Variants in DNAH9 observed in about 807,000 individuals in gnomAD.
The protein encoded by DNAH9 is DNAH9 variant protein.
DNAH9 carries 345 observed loss-of-function variants against 471.6 expected under a neutral mutation model. The ratio of observed to expected loss-of-function variants is 0.73; its 90% confidence interval spans 0.67 to 0.80. The LOEUF is 0.80. Ranked by LOEUF, DNAH9 falls within the 30% of genes least tolerant of loss-of-function variation. DNAH9 has a pLI of 0.00. For synonymous variants in DNAH9, 2,093 were observed against 2,123.6 expected, an observed-to-expected ratio of 0.99 and a Z score of 0.40; for missense variants, 5,407 against 5,609.2, an observed-to-expected ratio of 0.96 and a Z score of 1.15.
At chr17:11,899,752 T>G (rs1973342856) in intron 59 of DNAH9, among the ~76,000 whole-genome samples, 2 of 152,124 alleles carry the variant, frequency 1.3e-5, no homozygotes, top group African/African-American at 4.8e-5. Flanking sequence ...AAGATGAAAG[T>G]CAGCTCCTCG....
chr17:11,747,825 G>A, intron 32 of DNAH9, 59 bp downstream of exon 32: 2 of 1,468,650 alleles, frequency 1.4e-6, no homozygotes, highest in South Asian at 2.3e-5. Flanking sequence ...CCTGTGGCGG[G>A]CTTGGATGCA....
At chr17:11,896,136 A>T (rs1053475697) in intron 59 of DNAH9, among the ~76,000 whole-genome samples, 7 of 152,162 alleles carry the variant, frequency 4.6e-5, no homozygotes, top group Non-Finnish European at 1.0e-4. Context: ...TCTGCTTCTT[A>T]TAAGAGCACC....
intron 38 of DNAH9, among the ~76,000 whole-genome samples, chr17:11,776,289 T>C (rs1361747589): frequency 6.6e-6 from 1 of 151,782 alleles, no homozygotes. Context: ...AGATATTTGC[T>C]GTTCTCTTGG....
chr17:11,843,652 A>G (rs1463643026), intron 49 of DNAH9, among the ~76,000 whole-genome samples: 1 of 151,544 alleles, frequency 6.6e-6, no homozygotes, highest in African/African-American at 2.4e-5. Flanking sequence ...TACATGTTCA[A>G]TAATATAAAG....
In DNAH9 at chr17:11,768,611, C is replaced by T. The variant is rs140925032; in HGVS notation, c.7329C>T (p.Pro2443=). Residue 2443 remains proline (P), a synonymous_variant, in exon 37 of 69, where the codon CCC becomes CCT. Transcript: ENST00000262442. ...SKLVPQFEFD[P]EMPLQACLVH... ...TCGTCCCCCAGTTCGAATTTGACCC[C>T]GAGATGCCCTTGCAGGTGAGTGCAG... The T allele has an allele frequency of 1.9e-5, 30 of 1,613,936 alleles. No individual in the cohort carries two copies. Among genetic ancestry groups the T allele is most frequent in the East Asian group, 6.7e-5 (3 of 44,890 alleles).
chr17:11,814,583 G>C (rs1970029460), intron 45 of DNAH9, among the ~76,000 whole-genome samples: 1 of 152,304 alleles, frequency 6.6e-6, no homozygotes, highest in Non-Finnish European at 1.5e-5. Context: ...ACTAGGTACT[G>C]TGCTCAAAGA....
chr17:11,703,271 G>C (rs934755420), intron 24 of DNAH9, among the ~76,000 whole-genome samples: 5 of 152,098 alleles, frequency 3.3e-5, no homozygotes, highest in South Asian at 2.1e-4. Context: ...CTGCCAATGA[G>C]GGGGAGCTTC....
At chr17:11,660,319 CTTT>C (rs1208889792) in intron 14 of DNAH9, among the ~76,000 whole-genome samples, 3 of 97,506 alleles carry the variant, frequency 3.1e-5, no homozygotes, top group Non-Finnish European at 4.0e-5. Context: ...TTAAATGTTT[CTTT>C]TTTTTTTTTT....
In DNAH9 at chr17:11,892,375, C is replaced by CG. The variant is rs1420119271; in HGVS notation, c.11283+431dup. 6.6e-6 allele frequency among the ~76,000 whole-genome samples: 1 copy of CG among 152,150 alleles called. No individual in the cohort carries two copies. The highest frequency in any genetic ancestry group is 1.9e-4 in the East Asian group (1 of 5,200). ...CAAGTTTACTGATGCAGCCATCCCC[C>CG]GGGATAAGAAATTGCACAGGTCTTT... On this transcript the variant is annotated intron_variant, in intron 58 of 68. Coordinates refer to ENST00000262442, the MANE Select transcript of DNAH9 (RefSeq NM_001372.4). The surrounding 1 kb of genome is among the most constrained non-coding windows in gnomAD (Gnocchi z 4.3).
At chr17:11,897,455 C>T (rs1973256447) in intron 59 of DNAH9, among the ~76,000 whole-genome samples, 1 of 152,228 alleles carries the variant, frequency 6.6e-6, no homozygotes, top group African/African-American at 2.4e-5. Flanking sequence ...AACCACATTT[C>T]AAGTACTTGG....
At chr17:11,672,300 C>T (rs1376871217) in intron 17 of DNAH9, among the ~76,000 whole-genome samples, 2 of 152,200 alleles carry the variant, frequency 1.3e-5, no homozygotes, top group Non-Finnish European at 2.9e-5. Context: ...CAGGATCTTA[C>T]AGCAGCAAAT....
chr17:11,952,572 T>C (rs2151441721), intron 67 of DNAH9, among the ~76,000 whole-genome samples: 1 of 152,234 alleles, frequency 6.6e-6, no homozygotes, highest in Non-Finnish European at 1.5e-5. Flanking sequence ...GGTCCTGTAA[T>C]GTAAGGCCAA....
chr17:11,905,158 C>T (rs971867336), intron 60 of DNAH9, among the ~76,000 whole-genome samples: 11 of 151,372 alleles, frequency 7.3e-5, no homozygotes, highest in Admixed American at 4.0e-4. Flanking sequence ...CACTTGAACC[C>T]GGGAGGCAGA....
At chr17:11,608,359 G>A (rs1000666870) in intron 2 of DNAH9, 34 bp downstream of exon 2, 2 of 1,435,938 alleles carry the variant, frequency 1.4e-6, no homozygotes, top group Non-Finnish European at 9.6e-7. Context: ...ATGGGCCTCT[G>A]AGATATGGGA....
chr17:11,942,298 G>A lies in DNAH9; in HGVS notation c.12661-5G>A, dbSNP rs747027778. 26 of 1,613,296 alleles carry A rather than the reference G, an allele frequency of 1.6e-5. No homozygotes were observed. Among genetic ancestry groups the A allele is most frequent in the Non-Finnish European group, 2.1e-5 (25 of 1,179,488 alleles). On this transcript the variant is annotated splice_polypyrimidine_tract_variant and splice_region_variant and intron_variant, in intron 66 of 68. Transcript: ENST00000262442. Reference sequence around the variant, plus strand: ...CTTAACGCTGTGTTTCCTTCTGTGGGGCAGGTCAAGGCACTTCTGGAAGAA... The same window carrying A: ...CTTAACGCTGTGTTTCCTTCTGTGGAGCAGGTCAAGGCACTTCTGGAAGAA...
rs936073478 is a variant in DNAH9 at position 11,636,717 on chromosome 17, G to A, written c.1719G>A (p.Met573Ile). The stretch of plus-strand genomic sequence containing the variant: ...ATAAATACCTGGTCCTCATCCAAAT[G>A]TTCAACAAAGATCTGGATGCAGTGA... The part of the protein sequence containing the change: ...TSDKYLVLIQ[M>I]FNKDLDAVRM... Residue 573 changes from methionine (M) to isoleucine (I), a missense_variant, in exon 9 of 69, where the codon ATG becomes ATA. Physicochemically the swap from Met to Ile is conservative, Grantham distance 10. Transcript: ENST00000262442. The A allele has an allele frequency of 5.0e-6, 8 of 1,613,596 alleles. No individual in the cohort carries two copies. The highest frequency in any genetic ancestry group is 6.8e-6 in the Non-Finnish European group (8 of 1,179,620).
chr17:11,871,078 T>TG (rs1237603516), intron 51 of DNAH9, among the ~76,000 whole-genome samples: 1 of 152,128 alleles, frequency 6.6e-6, no homozygotes. Context: ...CAAAGAGGGC[T>TG]GGGGGGTCAG....
chr17:11,852,186 G>A (rs992473120), intron 49 of DNAH9, among the ~76,000 whole-genome samples: 1 of 152,248 alleles, frequency 6.6e-6, no homozygotes, highest in East Asian at 1.9e-4. Flanking sequence ...TGGATCAAGA[G>A]CACCTCAAAT....
intron 30 of DNAH9, among the ~76,000 whole-genome samples, chr17:11,743,136 G>A (rs1465703549): frequency 1.3e-5 from 2 of 152,142 alleles, no homozygotes; most frequent in African/African-American, 4.8e-5. Context: ...ATCTCCGTCA[G>A]CTCTAAGCCC....
Sources: allele counts gnomAD v4.1 joint callset (sites outside exome capture counted in the v4.1 genomes callset), GRCh38; gene constraint gnomAD v4.1.1; non-coding constraint Gnocchi (gnomAD v3.1); transcripts MANE v1.5; gene names NCBI Gene and HGNC (gene_info 2026-07-23, HGNC 2026-07-21).